The following LDB2 variants were observed in gnomAD, a reference collection of about 807,000 sequenced individuals.
The protein encoded by LDB2 is LIM domain-binding protein 2.
Under a neutral mutation model 44.3 loss-of-function variants are expected in LDB2, and 12 were observed. The ratio of observed to expected loss-of-function variants is 0.27; its 90% CI spans 0.17 to 0.44. LDB2 has a LOEUF of 0.44. Ranked by LOEUF, LDB2 falls within the 20% of genes least tolerant of loss-of-function variation. The probability of loss-of-function intolerance (pLI) is 1.00; values close to 1 mark genes in which losing one functional copy is unlikely to be tolerated. For missense variants in LDB2, 344 were observed against 473.5 expected (o/e 0.73, Z 2.54); for synonymous variants, 164 against 174.8 (o/e 0.94, Z 0.49).
chr4:16,748,028 G>A (rs1764730274), intron 2 of LDB2, among the ~76,000 whole-genome samples: 1 of 152,016 alleles, frequency 6.6e-6, no homozygotes, highest in South Asian at 2.1e-4. Context: ...AGGAAAGTTT[G>A]TAAAAATAAT....
chr4:16,632,833 T>C (rs1732390654), intron 2 of LDB2, among the ~76,000 whole-genome samples: 2 of 152,202 alleles, frequency 1.3e-5, no homozygotes, highest in Non-Finnish European at 2.9e-5. Flanking sequence ...TTTTACACTG[T>C]TGGTGGGAGT....
At chr4:16,888,968 A>G (rs1394468389) in intron 1 of LDB2, among the ~76,000 whole-genome samples, 1 of 152,112 alleles carries the variant, frequency 6.6e-6, no homozygotes, top group African/African-American at 2.4e-5. Context: ...CACTGTTTTC[A>G]TTCCAGAAGA....
At chr4:16,827,379 A>ATGCTACTCTT (rs1440192813) in intron 1 of LDB2, among the ~76,000 whole-genome samples, 4 of 152,216 alleles carry the variant, frequency 2.6e-5, no homozygotes, top group African/African-American at 9.6e-5. Context: ...ATCTGAAAAG[A>ATGCTACTCTT]TGCTACTCTT....
chr4:16,762,272 C>T (rs1393702344), intron 1 of LDB2, among the ~76,000 whole-genome samples: 2 of 152,138 alleles, frequency 1.3e-5, no homozygotes, highest in Non-Finnish European at 2.9e-5. Context: ...ATTAGCAACC[C>T]TTTTCCCTGG....
chr4:16,798,995 C>T (rs972396681), intron 1 of LDB2, among the ~76,000 whole-genome samples: 11 of 152,234 alleles, frequency 7.2e-5, no homozygotes, highest in African/African-American at 2.2e-4. Flanking sequence ...GGACTACAGG[C>T]GCCCGCCACC....
intron 1 of LDB2, among the ~76,000 whole-genome samples, chr4:16,782,264 T>C (rs148381264): frequency 0.01 from 1,580 of 152,236 alleles, 27 homozygotes; most frequent in African/African-American, 0.035. Context: ...TGGGCAGAAA[T>C]CAGATCTAAT....
rs77486639 is a variant in LDB2, at chr4:16,654,873, A to C, written c.236-58998T>G. Among the ~76,000 whole-genome samples the C allele has an allele frequency of 3.7e-4, 56 of 152,284 alleles. 1 individual carries two copies. Among genetic ancestry groups the C allele is most frequent in the African/African-American group, 1.3e-3 (54 of 41,558 alleles). ...TTTGATTCACGTTAACTTCCCTTCA[A>C]TTTGGTTCTCTTTAATATTTATCCA... On this transcript the variant is annotated intron_variant, in intron 2 of 7. Transcript: ENST00000304523.
intron 1 of LDB2, among the ~76,000 whole-genome samples, chr4:16,796,344 C>G (rs1176872796): frequency 6.6e-6 from 1 of 152,152 alleles, no homozygotes; most frequent in Non-Finnish European, 1.5e-5. Context: ...TTTCTAAACT[C>G]TCACTGCTGA....
At chr4:16,681,465 G>A (rs1747831603) in intron 2 of LDB2, among the ~76,000 whole-genome samples, 1 of 152,092 alleles carries the variant, frequency 6.6e-6, no homozygotes. Context: ...GAACACAGTT[G>A]AGCCCATTTG....
intron 5 of LDB2, among the ~76,000 whole-genome samples, chr4:16,512,494 T>C (rs1361173775): frequency 6.6e-6 from 1 of 152,168 alleles, no homozygotes; most frequent in Non-Finnish European, 1.5e-5. Context: ...CCCTCTTCTT[T>C]CAGCATGCTT....
At chr4:16,658,205 A>G (rs1740467508) in intron 2 of LDB2, among the ~76,000 whole-genome samples, 1 of 152,216 alleles carries the variant, frequency 6.6e-6, no homozygotes. Flanking sequence ...CAGGGGCTGT[A>G]TCTTATTAAG....
intron 2 of LDB2, among the ~76,000 whole-genome samples, chr4:16,655,535 A>C (rs1469387032): frequency 6.6e-6 from 1 of 152,208 alleles, no homozygotes; most frequent in African/African-American, 2.4e-5. Flanking sequence ...ACAAATTTTA[A>C]AATGAGTGTC....
intron 4 of LDB2, among the ~76,000 whole-genome samples, chr4:16,586,487 TACACACACACAC>T (rs5856368): frequency 6.4e-4 from 82 of 128,934 alleles, no homozygotes; most frequent in African/African-American, 1.8e-3. Context: ...TGTCTTGAAA[TACACACACACAC>T]ACACACACAC....
intron 1 of LDB2, among the ~76,000 whole-genome samples, chr4:16,798,509 T>G (rs1777167084): frequency 6.6e-6 from 1 of 152,220 alleles, no homozygotes; most frequent in Non-Finnish European, 1.5e-5. Context: ...TGTTATCTAC[T>G]TTGTAATTTG....
intron 1 of LDB2, among the ~76,000 whole-genome samples, chr4:16,845,309 C>T (rs1235125670): frequency 6.6e-6 from 1 of 152,172 alleles, no homozygotes; most frequent in South Asian, 2.1e-4. Flanking sequence ...TGCATGTCAT[C>T]GAGATCTCCT....
intron 1 of LDB2, among the ~76,000 whole-genome samples, chr4:16,878,629 C>A (rs548422933): frequency 2.0e-5 from 3 of 152,282 alleles, no homozygotes; most frequent in African/African-American, 7.2e-5. Context: ...AAAACAAAAA[C>A]CTAAAAAGCC....
rs145460528 is a variant in LDB2, at chr4:16,857,402, T to TTGCC, written c.132+40948_132+40951dup. Among the ~76,000 whole-genome samples, 416 of 152,334 alleles carry TTGCC rather than the reference T, an allele frequency of 2.7e-3. 3 individuals carry two copies. Among genetic ancestry groups the TTGCC allele is most frequent in the African/African-American group, 9.7e-3 (405 of 41,576 alleles). On this transcript the variant is annotated intron_variant, in intron 1 of 7. Coordinates refer to ENST00000304523, the MANE Select transcript of LDB2 (RefSeq NM_001290.5). ...CAGACGGATAGCCCTGCTTCCATTC[T>TTGCC]TGCCTACCTACCATACATGATCTTC...
Position 16,801,152 on chromosome 4 carries a change from C to T in LDB2, c.133-41892G>A, listed in dbSNP as rs545626613. ...TGGCATTTCAGGAACTTTCCCACCC[C>T]CTCAGAATGGGGCTCCCTCCAACCC... On this transcript the variant is annotated intron_variant, in intron 1 of 7. Coordinates refer to ENST00000304523, the MANE Select transcript of LDB2 (RefSeq NM_001290.5). Among the ~76,000 whole-genome samples, 11 of 152,252 alleles carry T rather than the reference C, an allele frequency of 7.2e-5. No homozygotes were observed. The South Asian group carries it at 1.5e-3, about 20-fold the overall frequency.
chr4:16,861,460 C>G (rs1020691687), intron 1 of LDB2, among the ~76,000 whole-genome samples: 2 of 152,162 alleles, frequency 1.3e-5, no homozygotes, highest in African/African-American at 4.8e-5. Context: ...GTGTTCCCTA[C>G]GGGACCATCA....
Sources: allele counts gnomAD v4.1 joint callset (sites outside exome capture counted in the v4.1 genomes callset), GRCh38; gene constraint gnomAD v4.1.1; transcripts MANE v1.5; gene names NCBI Gene and HGNC (gene_info 2026-07-23, HGNC 2026-07-21).